Variants in PCDHGB2 observed in about 807,000 individuals in gnomAD.
The protein encoded by PCDHGB2 is protocadherin gamma-B2.
In PCDHGB2, 55 loss-of-function variants were observed where a neutral mutation model predicts 59.3. The ratio of observed to expected loss-of-function variants is 0.93; its 90% confidence interval spans 0.75 to 1.16. PCDHGB2 has a LOEUF of 1.16. PCDHGB2 is among the 50% of genes most tolerant of loss of function. The pLI, the probability that PCDHGB2 is intolerant of heterozygous loss-of-function variation, is 0.00. For missense variants in PCDHGB2, 1,228 were observed against 1,198.5 expected (o/e 1.02, Z -0.36); for synonymous variants, 516 against 512.0 (o/e 1.01, Z -0.11).
intron 1 of PCDHGB2, chr5:141,415,797 C>G (rs940812419): frequency 3.9e-5 from 52 of 1,331,434 alleles, no homozygotes; most frequent in Non-Finnish European, 4.8e-5. Context: ...TTCACCTAGT[C>G]TCAATCAAGG....
At chr5:141,398,061 A>G (rs541058758) in intron 1 of PCDHGB2, 863 of 1,544,254 alleles carry the variant, frequency 5.6e-4, no homozygotes, top group Middle Eastern at 1.5e-3. Flanking sequence ...CCAAAAATCT[A>G]CAATACAGAG....
rs2099401367 is a variant in PCDHGB2 at position 141,476,906 on chromosome 5, G to C, written c.2422-17901G>C. ...GGATGCACCCTCCGGCACGCGCGTG[G>C]TACAAGTCCTTGCAACGGATCTGGA... is the stretch of plus-strand genomic sequence containing the variant. On this transcript the variant is annotated intron_variant, in intron 1 of 3. Coordinates refer to ENST00000522605, the MANE Select transcript of PCDHGB2 (RefSeq NM_018923.3). The surrounding 1 kb of genome is among the most constrained non-coding windows in gnomAD (Gnocchi z 7.6). 2 of 1,614,050 alleles carry C rather than the reference G, an allele frequency of 1.2e-6. No homozygotes were observed. The highest frequency in any genetic ancestry group is 1.7e-6 in the Non-Finnish European group (2 of 1,180,044).
At chr5:141,395,348 A>T (rs2093219591) in intron 1 of PCDHGB2, 1 of 1,391,964 alleles carries the variant, frequency 7.2e-7, no homozygotes, top group East Asian at 2.4e-5. Flanking sequence ...AAGGTGTATC[A>T]CAGAGTTTTG....
At chr5:141,364,514 C>A in intron 1 of PCDHGB2, 2 of 1,614,006 alleles carry the variant, frequency 1.2e-6, no homozygotes, top group Non-Finnish European at 1.7e-6. Context: ...GCTGGCGGAG[C>A]GCGGAGTCCG....
chr5:141,405,354 T>G lies in PCDHGB2; in HGVS notation c.2421+42798T>G, dbSNP rs781757006. The G allele has an allele frequency of 3.7e-6, 6 of 1,614,112 alleles. No homozygotes were observed. In the East Asian group the frequency reaches 1.3e-4, roughly 36 times the overall value. On this transcript the variant is annotated intron_variant, in intron 1 of 3. Coordinates refer to ENST00000522605, the MANE Select transcript of PCDHGB2 (RefSeq NM_018923.3). The stretch of plus-strand genomic sequence containing the variant: ...GTCTCTGTTGATTCCAAGTTTCCTA[T>G]AGAAGACACCCCTTTGGTTCCGGTG...
chr5:141,444,363 G>A (rs1292799006), intron 1 of PCDHGB2, among the ~76,000 whole-genome samples: 1 of 151,772 alleles, frequency 6.6e-6, no homozygotes, highest in Non-Finnish European at 1.5e-5. Context: ...TAGAGACGGG[G>A]TTTCTCCATG....
intron 1 of PCDHGB2, chr5:141,419,733 AGGTGCGCATGGTGCGTGCTTTG>A (rs763538035): frequency 1.1e-5 from 18 of 1,613,646 alleles, no homozygotes; most frequent in Non-Finnish European, 1.4e-5. Context: ...CGAACAGGCG[AGGTGCGCATGGTGCGTGCTTTG>A]GGTGACAAGG....
In PCDHGB2 at chr5:141,365,423, G is replaced by A. The variant is rs182594355; in HGVS notation, c.2421+2867G>A. ...CTCTGAAGACTGTCTTCCCGGAACT[G>A]TAATCGCGCTGTTTAGCGTACATGA... On this transcript the variant is annotated intron_variant, in intron 1 of 3. Coordinates refer to ENST00000522605, the MANE Select transcript of PCDHGB2 (RefSeq NM_018923.3). 180 of 1,614,018 alleles carry A rather than the reference G, an allele frequency of 1.1e-4. No individual in the cohort carries two copies. In the East Asian group the frequency reaches 2.5e-3, roughly 23 times the overall value.
At chr5:141,401,677 G>C (rs1017959276) in intron 1 of PCDHGB2, among the ~76,000 whole-genome samples, 2 of 152,184 alleles carry the variant, frequency 1.3e-5, no homozygotes, top group Non-Finnish European at 2.9e-5. Flanking sequence ...CATCCTTGTA[G>C]GATGGAAGGT....
Position 141,489,384 on chromosome 5 carries a change from T to C in PCDHGB2, c.2422-5423T>C, listed in dbSNP as rs2099686499. The stretch of plus-strand genomic sequence containing the variant: ...AGCCGGGGACGCTGGTGGGGAATGT[T>C]GCTCAGGATCTGGGCTTAAAGATGA... On this transcript the variant is annotated intron_variant, in intron 1 of 3. Transcript: ENST00000522605. The surrounding 1 kb of genome is among the most constrained non-coding windows in gnomAD (Gnocchi z 4.5). 1 of 1,613,986 alleles carries C rather than the reference T, an allele frequency of 6.2e-7. No individual in the cohort carries two copies. The highest frequency in any genetic ancestry group is 8.5e-7 in the Non-Finnish European group (1 of 1,179,842).
At chr5:141,443,137 A>G (rs1202995621) in intron 1 of PCDHGB2, among the ~76,000 whole-genome samples, 1 of 152,174 alleles carries the variant, frequency 6.6e-6, no homozygotes, top group Non-Finnish European at 1.5e-5. Flanking sequence ...GAACACTATC[A>G]TAAGTTATAC....
intron 1 of PCDHGB2, chr5:141,383,586 G>A (rs1483422462): frequency 6.2e-7 from 1 of 1,613,654 alleles, no homozygotes; most frequent in Admixed American, 1.7e-5. Flanking sequence ...CCCACATCCA[G>A]GTGACAGTGG....
In PCDHGB2 at chr5:141,405,166, A is replaced by G. The variant is rs1303146593; in HGVS notation, c.2421+42610A>G. The G allele has an allele frequency of 9.3e-6, 15 of 1,613,862 alleles. No individual in the cohort carries two copies. In the East Asian group the frequency reaches 3.3e-4, roughly 36 times the overall value. On this transcript the variant is annotated intron_variant, in intron 1 of 3. Coordinates refer to ENST00000522605, the MANE Select transcript of PCDHGB2 (RefSeq NM_018923.3). Reference sequence around the variant, plus strand: ...ATGGGTTGGCTGGTGTGCCCACCTCACACTTTGTGGGTGTAGATGGGGTTC... The same window carrying G: ...ATGGGTTGGCTGGTGTGCCCACCTCGCACTTTGTGGGTGTAGATGGGGTTC...
intron 1 of PCDHGB2, chr5:141,407,996 T>G: frequency 1.1e-6 from 1 of 872,310 alleles, no homozygotes; most frequent in Middle Eastern, 3.6e-4. Flanking sequence ...GCCTCTGGCC[T>G]GGGATTCCCT....
In PCDHGB2 at chr5:141,371,464, A is replaced by G. The variant is rs756446984; in HGVS notation, c.2421+8908A>G. The G allele has an allele frequency of 3.7e-6, 6 of 1,613,830 alleles. No individual in the cohort carries two copies. Among genetic ancestry groups the G allele is most frequent in the Non-Finnish European group, 5.1e-6 (6 of 1,179,870 alleles). ...CTGGCTTCTGAATCCCAACATATAC[A>G]AGAAGATGCTGAGCTGGGGACTGCC... is the stretch of plus-strand genomic sequence containing the variant. On this transcript the variant is annotated intron_variant, in intron 1 of 3. Coordinates refer to ENST00000522605, the MANE Select transcript of PCDHGB2 (RefSeq NM_018923.3).
At position 141,489,947 on chromosome 5, in the gene PCDHGB2, A is replaced by G. The variant is rs368977481; in HGVS notation, c.2422-4860A>G. The G allele has an allele frequency of 5.4e-5, 87 of 1,614,090 alleles. No individual in the cohort carries two copies. Among genetic ancestry groups the G allele is most frequent in the South Asian group, 6.6e-5 (6 of 91,094 alleles). ...ATCTCTGTCATCGTGCTGGACATCA[A>G]TGATAATGCTCCAACCTTCCAATCC... On this transcript the variant is annotated intron_variant, in intron 1 of 3. Transcript: ENST00000522605. This position sits in a 1 kb window ranked among gnomAD's most constrained non-coding sequence, Gnocchi z 4.5.
chr5:141,433,159 T>C, intron 1 of PCDHGB2: 2 of 1,613,968 alleles, frequency 1.2e-6, no homozygotes, highest in Non-Finnish European at 1.7e-6. Flanking sequence ...CGGTATTTTC[T>C]AAAGACAGTC....
intron 1 of PCDHGB2, among the ~76,000 whole-genome samples, chr5:141,424,839 A>G (rs1264853498): frequency 6.6e-6 from 1 of 152,198 alleles, no homozygotes; most frequent in Non-Finnish European, 1.5e-5. Context: ...CATACATGTT[A>G]TCTGAAGCAA....
Position 141,393,204 on chromosome 5 carries a change from C to T in PCDHGB2, c.2421+30648C>T, listed in dbSNP as rs373432896. ...AATAATTGATATTAACGATAATAAC[C>T]CAAAATTCCAGGTCGAAGATCTAGA... On this transcript the variant is annotated intron_variant, in intron 1 of 3. Transcript: ENST00000522605. 7 of 1,613,342 alleles carry T rather than the reference C, an allele frequency of 4.3e-6. No homozygotes were observed. The African/African-American group carries it at 9.3e-5, about 22-fold the overall frequency.
Sources: allele counts gnomAD v4.1 joint callset (sites outside exome capture counted in the v4.1 genomes callset), GRCh38; gene constraint gnomAD v4.1.1; non-coding constraint Gnocchi (gnomAD v3.1); transcripts MANE v1.5; gene names NCBI Gene and HGNC (gene_info 2026-07-23, HGNC 2026-07-21).